Variants in RBFOX1 observed in about 807,000 individuals in gnomAD.
RBFOX1 encodes RNA binding fox-1 homolog 1, also known as RNA binding protein fox-1 homolog 1.
RBFOX1 carries 8 observed loss-of-function variants against 57.7 expected under a neutral mutation model. The observed-to-expected ratio is 0.14, with a 90% confidence interval of 0.08 to 0.25. The LOEUF is 0.25. Among genes scored for constraint, RBFOX1 ranks in the 10% least tolerant of loss-of-function variants. The pLI, the probability that RBFOX1 is intolerant of heterozygous loss-of-function variation, is 1.00. For synonymous variants in RBFOX1, 326 were observed against 222.4 expected (o/e 1.47, Z -4.15); for missense variants, 611 against 548.5 (o/e 1.11, Z -1.14).
At chr16:5,995,451 A>G (rs2060474138) in intron 4 of RBFOX1, among the ~76,000 whole-genome samples, 1 of 152,188 alleles carries the variant, frequency 6.6e-6, no homozygotes. Flanking sequence ...AAGGTTTTTG[A>G]AGAGGAATTT....
At position 7,599,466 on chromosome 16, in the gene RBFOX1, C is replaced by T. The variant is rs532666057; in HGVS notation, c.622+2035C>T. Among the ~76,000 whole-genome samples, 18 of 151,520 alleles carry T rather than the reference C, an allele frequency of 1.2e-4. No homozygotes were observed. In the East Asian group the frequency reaches 3.5e-3, roughly 29 times the overall value. On this transcript the variant is annotated intron_variant, in intron 9 of 15. Coordinates refer to ENST00000550418, the MANE Select transcript of RBFOX1 (RefSeq NM_018723.4). ...AAACTAGACCTGTAGGATTTTTTAA[C>T]ACAATTCAAAGCCCATTTATAAATA...
At chr16:5,881,732 T>TC (rs1567664952) in intron 4 of RBFOX1, among the ~76,000 whole-genome samples, 1 of 152,046 alleles carries the variant, frequency 6.6e-6, no homozygotes, top group South Asian at 2.1e-4. Context: ...GCTAAAATTT[T>TC]CCCCCCAATG....
chr16:6,334,390 C>A (rs1274446532), intron 2 of RBFOX1, among the ~76,000 whole-genome samples: 1 of 151,720 alleles, frequency 6.6e-6, no homozygotes, highest in African/African-American at 2.4e-5. Flanking sequence ...CGCCTGTAGT[C>A]CCAGCTACTC....
chr16:7,439,273 G>C (rs575256486), intron 4 of RBFOX1, among the ~76,000 whole-genome samples: 6 of 152,034 alleles, frequency 3.9e-5, no homozygotes, highest in Non-Finnish European at 7.4e-5. Flanking sequence ...CTCTTCTTCA[G>C]GTGCCAGTGA....
At chr16:6,025,293 C>G (rs1001302242) in intron 1 of RBFOX1, among the ~76,000 whole-genome samples, 2 of 152,200 alleles carry the variant, frequency 1.3e-5, no homozygotes, top group Admixed American at 6.5e-5. Context: ...AGAAATTAAA[C>G]TCGATTCCCC....
intron 14 of RBFOX1, among the ~76,000 whole-genome samples, chr16:7,688,452 G>A (rs1407331212): frequency 3.3e-5 from 5 of 152,004 alleles, no homozygotes; most frequent in Non-Finnish European, 7.4e-5. Flanking sequence ...TATGGGGAAT[G>A]TTTACGTCCC....
intron 2 of RBFOX1, among the ~76,000 whole-genome samples, chr16:6,331,975 C>G (rs1456091571): frequency 6.6e-6 from 1 of 152,124 alleles, no homozygotes; most frequent in Non-Finnish European, 1.5e-5. Context: ...AGTTCTGTCA[C>G]TCCTGTTACA....
chr16:7,502,886 G>C (rs1292244447), intron 4 of RBFOX1, among the ~76,000 whole-genome samples: 1 of 152,068 alleles, frequency 6.6e-6, no homozygotes, highest in Non-Finnish European at 1.5e-5. Flanking sequence ...AGCCAAGTGT[G>C]GTGGCAGGTG....
chr16:7,479,843 C>T (rs1167174000), intron 4 of RBFOX1, among the ~76,000 whole-genome samples: 1 of 152,176 alleles, frequency 6.6e-6, no homozygotes, highest in Admixed American at 6.5e-5. Flanking sequence ...CAGAACATCC[C>T]TCAATAATTT....
At chr16:6,532,486 G>A (rs891943171) in intron 2 of RBFOX1, among the ~76,000 whole-genome samples, 8 of 152,092 alleles carry the variant, frequency 5.3e-5, no homozygotes, top group African/African-American at 1.7e-4. Context: ...GCTTTAAGGC[G>A]ATGTTTATTA....
rs1270087364 is a variant in RBFOX1 at position 7,687,724 on chromosome 16, C to T, written c.995+10886C>T. On this transcript the variant is annotated intron_variant, in intron 14 of 15. Coordinates refer to ENST00000550418, the MANE Select transcript of RBFOX1 (RefSeq NM_018723.4). ...ATAAGACAATTACTAATTATAACTACTGTAATTAGTATAATTAGCAATTAA... is the reference window on the plus strand; with the variant it reads ...ATAAGACAATTACTAATTATAACTATTGTAATTAGTATAATTAGCAATTAA... 4.0e-5 allele frequency among the ~76,000 whole-genome samples: 6 copies of T among 151,886 alleles called. No individual in the cohort carries two copies. The South Asian group carries it at 1.0e-3, about 26-fold the overall frequency.
intron 4 of RBFOX1, among the ~76,000 whole-genome samples, chr16:7,442,345 C>T (rs906679893): frequency 5.9e-5 from 9 of 152,236 alleles, no homozygotes; most frequent in South Asian, 2.1e-4. Context: ...TCCTTAGGCA[C>T]ACAAAGGAGA....
chr16:5,841,763 A>C (rs1479695577), intron 3 of RBFOX1, among the ~76,000 whole-genome samples: 1 of 152,204 alleles, frequency 6.6e-6, no homozygotes, highest in African/African-American at 2.4e-5. Flanking sequence ...TCAACTGAAC[A>C]GGCCTGATGC....
At chr16:5,316,012 A>G (rs964227029) in intron 1 of RBFOX1, among the ~76,000 whole-genome samples, 2 of 151,970 alleles carry the variant, frequency 1.3e-5, no homozygotes, top group African/African-American at 4.8e-5. Flanking sequence ...TCCTCCCACT[A>G]CCAGAGACCT....
chr16:5,450,493 C>T (rs1051503094), intron 1 of RBFOX1, among the ~76,000 whole-genome samples: 17 of 152,140 alleles, frequency 1.1e-4, no homozygotes, highest in African/African-American at 4.1e-4. Flanking sequence ...AGGGGAGCTG[C>T]GTGTGGGGCG....
chr16:6,348,171 A>G (rs1044774929), intron 2 of RBFOX1, among the ~76,000 whole-genome samples: 1 of 152,090 alleles, frequency 6.6e-6, no homozygotes, highest in African/African-American at 2.4e-5. Context: ...GTAGGAGAGG[A>G]GATAGGCTTG....
intron 4 of RBFOX1, among the ~76,000 whole-genome samples, chr16:5,973,611 G>T (rs2060005802): frequency 6.6e-6 from 1 of 152,222 alleles, no homozygotes; most frequent in South Asian, 2.1e-4. Context: ...AGGCCATGGG[G>T]TGCCCAGATA....
intron 4 of RBFOX1, among the ~76,000 whole-genome samples, chr16:7,476,858 C>T (rs1472082711): frequency 6.6e-6 from 1 of 152,174 alleles, no homozygotes; most frequent in Non-Finnish European, 1.5e-5. Flanking sequence ...TGCTTTTATG[C>T]TGAATATCGG....
chr16:6,985,852 A>ATTTTTTTTTTTTTTTTTTTT (rs137915101), intron 3 of RBFOX1, among the ~76,000 whole-genome samples: 4 of 135,626 alleles, frequency 2.9e-5, no homozygotes, highest in Non-Finnish European at 4.7e-5. Context: ...AAAAAACAGA[A>ATTTTTTTTTTTTTTTTTTTT]TTTTTTTTTC....
Sources: allele counts gnomAD v4.1 joint callset (sites outside exome capture counted in the v4.1 genomes callset), GRCh38; gene constraint gnomAD v4.1.1; transcripts MANE v1.5; gene names NCBI Gene and HGNC (gene_info 2026-07-23, HGNC 2026-07-21).